The following STARD9 variants were observed in gnomAD, a reference collection of about 807,000 sequenced individuals.
STARD9 encodes stAR-related lipid transfer protein 9.
STARD9 carries 346 observed loss-of-function variants against 399.8 expected under a neutral mutation model. The ratio of observed to expected loss-of-function variants is 0.87; its 90% CI spans 0.79 to 0.95. The LOEUF (loss-of-function observed/expected upper bound fraction) is 0.95. STARD9 is among the 40% of genes least tolerant of loss of function. The pLI is 0.00. For missense variants in STARD9, 5,832 were observed against 5,667.5 expected (o/e 1.03, Z -0.93); for synonymous variants, 2,203 against 2,143.5 (o/e 1.03, Z -0.77).
Position 42,684,200 on chromosome 15 carries a change from A to G in STARD9, c.2622A>G (p.Glu874=), listed in dbSNP as rs1292966772. The G allele has an allele frequency of 2.6e-6, 4 of 1,537,298 alleles. No homozygotes were observed. Residue 874 remains glutamate, a synonymous_variant, in exon 23 of 33, where the codon GAA becomes GAG. Coordinates refer to ENST00000290607, the MANE Select transcript of STARD9 (RefSeq NM_020759.3). ...THQTSEKTSS[E]EHLPQAASYP... ...AAACATCAGAGAAAACATCATCAGAAGAGCATTTGCCACAGGCTGCTTCCT... is the reference window on the plus strand; with the variant it reads ...AAACATCAGAGAAAACATCATCAGAGGAGCATTTGCCACAGGCTGCTTCCT...
chr15:42,684,938 G>C lies in STARD9; in HGVS notation c.3360G>C (p.Leu1120=). The C allele has an allele frequency of 6.5e-7, 1 of 1,537,050 alleles. No homozygotes were observed. The highest frequency in any genetic ancestry group is 8.7e-7 in the Non-Finnish European group (1 of 1,146,928). The stretch of plus-strand genomic sequence containing the variant: ...TCTCATGTGTCTATGCCAAAGCCCT[G>C]ATAGAGCCACTGAAGCCAGAGGAGA... ...DSLSCVYAKA[L]IEPLKPEERK... is the part of the protein sequence containing the mutation. Residue 1120 remains leucine, a synonymous_variant, in exon 23 of 33, where the codon CTG becomes CTC. Transcript: ENST00000290607.
chr15:42,631,426 CA>C (rs1054337740), intron 3 of STARD9, among the ~76,000 whole-genome samples: 4 of 151,492 alleles, frequency 2.6e-5, no homozygotes, highest in East Asian at 3.9e-4. Context: ...TACTAAAATA[CA>C]AAAAAAACCA....
chr15:42,635,225 A>G (rs1446693965), intron 4 of STARD9, among the ~76,000 whole-genome samples: 2 of 148,632 alleles, frequency 1.3e-5, no homozygotes, highest in African/African-American at 5.0e-5. Context: ...GTGCCATTGC[A>G]CTCCAGCCTG....
chr15:42,699,600 A>G (rs1015174197), intron 26 of STARD9, among the ~76,000 whole-genome samples: 4 of 151,524 alleles, frequency 2.6e-5, no homozygotes, highest in Admixed American at 1.3e-4. Context: ...TCACCATGTT[A>G]GCCAGGATGG....
intron 9 of STARD9, among the ~76,000 whole-genome samples, chr15:42,656,079 G>T (rs2059862513): frequency 6.6e-6 from 1 of 152,028 alleles, no homozygotes; most frequent in Non-Finnish European, 1.5e-5. Flanking sequence ...AAAAGAGGCT[G>T]GGTCAGTGGC....
intron 26 of STARD9, among the ~76,000 whole-genome samples, chr15:42,703,761 C>G (rs1186913093): frequency 6.6e-6 from 1 of 151,880 alleles, no homozygotes; most frequent in Non-Finnish European, 1.5e-5. Context: ...TCTGTATTTT[C>G]AAATATCCTG....
chr15:42,654,968 C>A (rs2059836101), intron 9 of STARD9, among the ~76,000 whole-genome samples: 1 of 152,084 alleles, frequency 6.6e-6, no homozygotes, highest in Non-Finnish European at 1.5e-5. Context: ...CCCACATAGC[C>A]AAAGCAAGAC....
chr15:42,642,505 C>A (rs1343501543), intron 7 of STARD9, among the ~76,000 whole-genome samples: 1 of 152,092 alleles, frequency 6.6e-6, no homozygotes, highest in African/African-American at 2.4e-5. Flanking sequence ...CAGGTGCAAA[C>A]CAAGAAGCAG....
chr15:42,716,904 G>A (rs1222543945), intron 27 of STARD9, 23 bp from the exon 28 acceptor site: 1 of 1,537,060 alleles, frequency 6.5e-7, no homozygotes, highest in South Asian at 1.2e-5. Context: ...TGCTATCACA[G>A]GGCCTCCACC....
At chr15:42,719,357 A>G (rs1336292823) in intron 32 of STARD9, 116 bp from the exon 33 acceptor site, 2 of 677,504 alleles carry the variant, frequency 3.0e-6, no homozygotes, top group Non-Finnish European at 2.5e-6. Flanking sequence ...ACACCAAACC[A>G]CAATCTGAGG....
intron 3 of STARD9, among the ~76,000 whole-genome samples, chr15:42,616,514 G>A (rs191609994): frequency 2.0e-5 from 3 of 152,140 alleles, no homozygotes; most frequent in Admixed American, 6.6e-5. Flanking sequence ...TTTTGTTAGC[G>A]GCAGAATATC....
rs145017779 is a variant in STARD9, at chr15:42,605,897, A to G, written c.234+20260A>G. 4.8e-3 allele frequency among the ~76,000 whole-genome samples: 736 copies of G among 152,322 alleles called. 10 individuals carry two copies. The highest frequency in any genetic ancestry group is 0.017 in the African/African-American group (707 of 41,574). On this transcript the variant is annotated intron_variant, in intron 3 of 32. Coordinates refer to ENST00000290607, the MANE Select transcript of STARD9 (RefSeq NM_020759.3). ...TTGTGGCGATGTTTAAAGCACAAAC[A>G]TGTCGTGGTCTCTGGCTGGTATTGC...
rs1339442466 is a variant in STARD9, at chr15:42,705,277, T to A, written c.13284+9397T>A. Among the ~76,000 whole-genome samples the A allele has an allele frequency of 2.0e-5, 3 of 152,242 alleles. No homozygotes were observed. The South Asian group carries it at 6.2e-4, about 32-fold the overall frequency. On this transcript the variant is annotated intron_variant, in intron 26 of 32. Coordinates refer to ENST00000290607, the MANE Select transcript of STARD9 (RefSeq NM_020759.3). ...TTATCTTTAATGCATCTTCTTCTCC[T>A]TGTAAAATCTAGTACTTTTATCTAT...
At chr15:42,593,284 C>T (rs997157311) in intron 3 of STARD9, among the ~76,000 whole-genome samples, 4 of 152,176 alleles carry the variant, frequency 2.6e-5, no homozygotes, top group African/African-American at 9.7e-5. Flanking sequence ...TGAGGAACAT[C>T]TGTTGGCGCA....
In STARD9 at chr15:42,720,263, C is replaced by T. The variant is rs1328008206; in HGVS notation, c.*689C>T. The T allele has an allele frequency of 1.3e-5, 2 of 152,222 alleles. No homozygotes were observed. Among genetic ancestry groups the T allele is most frequent in the African/African-American group, 2.4e-5 (1 of 41,418 alleles). 9.4% of individuals were successfully genotyped at this position (152,222 alleles called of 1,614,324 possible). ...GATATGGAGCTGTCACTCTAGAGCTCGGTCAGATGGAAGACACTATAGAAC... is the reference window on the plus strand; with the variant it reads ...GATATGGAGCTGTCACTCTAGAGCTTGGTCAGATGGAAGACACTATAGAAC... On this transcript the variant is annotated 3_prime_UTR_variant, in exon 33 of 33. Transcript: ENST00000290607.
Position 42,655,934 on chromosome 15 carries a change from CAAAAG to C in STARD9, c.702+3345_702+3349del, listed in dbSNP as rs1216484591. Among the ~76,000 whole-genome samples, 3 of 151,984 alleles carry C rather than the reference CAAAAG, an allele frequency of 2.0e-5. No individual in the cohort carries two copies. The East Asian group carries it at 5.8e-4, about 29-fold the overall frequency. On this transcript the variant is annotated intron_variant, in intron 9 of 32. Transcript: ENST00000290607. ...GCTAAGGACATGAATAAACAGTTCT[CAAAAG>C]AAGATATACAAATGGCAACAAACAT...
chr15:42,659,218 A>G (rs983701697), intron 9 of STARD9, among the ~76,000 whole-genome samples: 3 of 152,236 alleles, frequency 2.0e-5, no homozygotes. Flanking sequence ...CAGAATATAT[A>G]AAGAACTCTC....
At chr15:42,577,163 T>C (rs2058072767) in intron 1 of STARD9, among the ~76,000 whole-genome samples, 1 of 152,032 alleles carries the variant, frequency 6.6e-6, no homozygotes, top group African/African-American at 2.4e-5. Context: ...CTTTTTTCTT[T>C]TTTTTTTTGA....
chr15:42,577,216 C>T (rs569984356), intron 1 of STARD9, among the ~76,000 whole-genome samples: 26 of 151,892 alleles, frequency 1.7e-4, no homozygotes, highest in Non-Finnish European at 1.0e-4. Flanking sequence ...TTGAGTGGCG[C>T]GATCTCGGCT....
Sources: gnomAD v4.1 joint callset for allele counts (sites outside exome capture counted in the v4.1 genomes callset) on GRCh38, gnomAD v4.1.1 for gene constraint, MANE v1.5 for transcripts, NCBI Gene and HGNC (gene_info 2026-07-23, HGNC 2026-07-21) for gene names.